PFKFB3: variants seen among roughly 807,000 people sequenced by gnomAD.
PFKFB3 encodes 6-phosphofructo-2-kinase/fructose-2,6-bisphosphatase 3.
In PFKFB3, 33 loss-of-function variants were observed where a neutral mutation model predicts 68.0. That is an observed-to-expected ratio of 0.49 (90% CI 0.37 to 0.65). The LOEUF (loss-of-function observed/expected upper bound fraction) is 0.65, where lower values mean the gene tolerates loss of function less well. PFKFB3 is among the 30% of genes least tolerant of loss of function. PFKFB3 has a pLI of 0.00. For synonymous variants in PFKFB3, 315 were observed against 288.2 expected, an observed-to-expected ratio of 1.09 and a Z score of -0.94; for missense variants, 586 against 712.2, an observed-to-expected ratio of 0.82 and a Z score of 2.02.
chr10:6,242,250 AT>A (rs1846157353), intron 14 of PFKFB3, among the ~76,000 whole-genome samples: 1 of 152,138 alleles, frequency 6.6e-6, no homozygotes, highest in Non-Finnish European at 1.5e-5. Context: ...TCAGTCATTT[AT>A]TTATACTACT....
intron 1 of PFKFB3, among the ~76,000 whole-genome samples, chr10:6,171,476 G>A (rs1842311438): frequency 6.6e-6 from 1 of 151,156 alleles, no homozygotes; most frequent in African/African-American, 2.4e-5. Flanking sequence ...GCTCACTGCA[G>A]TCTCAACCTC....
chr10:6,224,032 C>T lies in PFKFB3; in HGVS notation c.1276+12C>T. 1 of 1,614,090 alleles carries T rather than the reference C, an allele frequency of 6.2e-7. No homozygotes were observed. The highest frequency in any genetic ancestry group is 1.1e-5 in the South Asian group (1 of 91,084). ...GCCTGTCGCTTATGGTGAGTAGCAA[C>T]CCCTGCCAAGCCCTGTCCCCCTGAA... On this transcript the variant is annotated intron_variant, in intron 12 of 14. Transcript: ENST00000379775.
rs567269678 is a variant in PFKFB3 at position 6,210,509 on chromosome 10, C to G, written c.77-3114C>G. ...CCGAGTAGCTGGGACTACAGGCGCC[C>G]GCCAACATGGCCGGCTAATTTTTTG... On this transcript the variant is annotated intron_variant, in intron 1 of 14. Transcript: ENST00000379775. Among the ~76,000 whole-genome samples the G allele has an allele frequency of 6.5e-4, 75 of 115,004 alleles. 22 individuals are homozygous for G. In the South Asian group the frequency reaches 0.023, roughly 35 times the overall value. 75.4% of individuals were successfully genotyped at this position (115,004 alleles called of 152,430 possible). A position where few individuals can be genotyped will look rare whatever the true frequency, so the allele number is the denominator to read the frequency against.
chr10:6,216,005 C>T, intron 3 of PFKFB3, 120 bp from the exon 4 acceptor site: 1 of 971,322 alleles, frequency 1.0e-6, no homozygotes, highest in South Asian at 1.3e-5. Flanking sequence ...CTGCCCAGCG[C>T]TAAGCAGTGT....
At chr10:6,177,439 TC>T (rs1248300138) in intron 1 of PFKFB3, among the ~76,000 whole-genome samples, 3 of 5,604 alleles carry the variant, frequency 5.4e-4, no homozygotes, top group East Asian at 4.6e-3. Flanking sequence ...CTTTTCTTTC[TC>T]TTTCTTTCTT....
At chr10:6,164,255 G>C (rs1279908075) in intron 1 of PFKFB3, among the ~76,000 whole-genome samples, 2 of 152,188 alleles carry the variant, frequency 1.3e-5, no homozygotes, top group Non-Finnish European at 2.9e-5. Context: ...ACCGCTCCTA[G>C]CCCCCAGTGT....
chr10:6,278,202 C>T, the PFKFB3 span, among the ~76,000 whole-genome samples: 24 of 152,044 alleles, frequency 1.6e-4, no homozygotes, highest in East Asian at 1.2e-3. Flanking sequence ...AGGCGTGAGC[C>T]GCAGTGCCCG....
At chr10:6,222,243 C>T (rs528186260) in intron 10 of PFKFB3, among the ~76,000 whole-genome samples, 7 of 152,312 alleles carry the variant, frequency 4.6e-5, no homozygotes, top group Non-Finnish European at 7.4e-5. Flanking sequence ...CCTTACACAC[C>T]GGGGCCCTGG....
intron 1 of PFKFB3, among the ~76,000 whole-genome samples, chr10:6,179,735 G>C (rs1173445296): frequency 3.3e-5 from 5 of 152,296 alleles, no homozygotes; most frequent in East Asian, 3.9e-4. Context: ...ATGGGAAGGG[G>C]ACCCTGTTTT....
At chr10:6,217,779 A>AAT (rs1176164530) in intron 6 of PFKFB3, among the ~76,000 whole-genome samples, 1 of 152,188 alleles carries the variant, frequency 6.6e-6, no homozygotes, top group Non-Finnish European at 1.5e-5. Context: ...ACTTGATAGC[A>AAT]ATATATATAA....
the PFKFB3 span, among the ~76,000 whole-genome samples, chr10:6,273,416 C>T: frequency 6.6e-6 from 1 of 152,116 alleles, no homozygotes. Context: ...ATCCCCGCCG[C>T]CATGCAACCT....
chr10:6,220,407 C>CT lies in PFKFB3; in HGVS notation c.624-244dup, dbSNP rs1564633047. On this transcript the variant is annotated intron_variant, in intron 7 of 14. Transcript: ENST00000379775. This position sits in a 1 kb window ranked among gnomAD's most constrained non-coding sequence, Gnocchi z 4.1. ...CATGAGCCACTGCACAGGCCCCTTT[C>CT]TTTTTTTCTCCATTTTCTTTCTTTT... 1.3e-5 allele frequency among the ~76,000 whole-genome samples: 2 copies of CT among 152,268 alleles called. No individual in the cohort carries two copies. The highest frequency in any genetic ancestry group is 3.9e-4 in the East Asian group (2 of 5,184).
the PFKFB3 span, among the ~76,000 whole-genome samples, chr10:6,320,117 C>T: frequency 4.6e-5 from 7 of 152,250 alleles, no homozygotes; most frequent in Admixed American, 4.6e-4. Flanking sequence ...GGGAGGATTG[C>T]TTGAGCCCAA....
At chr10:6,280,175 G>C in the PFKFB3 span, among the ~76,000 whole-genome samples, 2 of 152,186 alleles carry the variant, frequency 1.3e-5, no homozygotes, top group Non-Finnish European at 2.9e-5. Flanking sequence ...CTTCCTCCAG[G>C]ATAACTGCCT....
intron 1 of PFKFB3, among the ~76,000 whole-genome samples, chr10:6,147,322 C>T (rs908791233): frequency 1.3e-5 from 2 of 152,308 alleles, no homozygotes; most frequent in South Asian, 2.1e-4. Context: ...AAGACTTTGC[C>T]GCCCTGCTCC....
chr10:6,233,753 C>G lies in PFKFB3; in HGVS notation c.*811C>G, dbSNP rs752504378. On this transcript the variant is annotated 3_prime_UTR_variant, in exon 15 of 15. Transcript: ENST00000379775. ...TTTCCTGGAGCTGCTGGCTTTTGCA[C>G]TTTTTTGATGGCAGAAGTGTGACCT... is the stretch of plus-strand genomic sequence containing the variant. 4 of 152,904 alleles carry G rather than the reference C, an allele frequency of 2.6e-5. No individual in the cohort carries two copies. Among genetic ancestry groups the G allele is most frequent in the Non-Finnish European group, 5.9e-5 (4 of 68,102 alleles). 9.5% of individuals were successfully genotyped at this position (152,904 alleles called of 1,614,324 possible).
At chr10:6,145,284 G>A (rs1355868000) in intron 1 of PFKFB3, among the ~76,000 whole-genome samples, 1 of 150,992 alleles carries the variant, frequency 6.6e-6, no homozygotes, top group Non-Finnish European at 1.5e-5. Context: ...CCGGCCTCGC[G>A]TCTCCTTTCC....
chr10:6,272,049 C>T, the PFKFB3 span, among the ~76,000 whole-genome samples: 12 of 152,278 alleles, frequency 7.9e-5, no homozygotes, highest in African/African-American at 2.2e-4. Context: ...GCCCCTGCCC[C>T]GATGGTGGCT....
At chr10:6,239,257 A>G (rs11599520), downstream of PFKFB3, among the ~76,000 whole-genome samples, 3,679 of 152,294 alleles carry the variant, frequency 0.024, 70 homozygotes, top group Non-Finnish European at 0.04. Flanking sequence ...AATGCAAGGT[A>G]GATGCTATTA....
Sources: allele counts gnomAD v4.1 joint callset (sites outside exome capture counted in the v4.1 genomes callset), GRCh38; gene constraint gnomAD v4.1.1; non-coding constraint Gnocchi (gnomAD v3.1); transcripts MANE v1.5; gene names NCBI Gene and HGNC (gene_info 2026-07-23, HGNC 2026-07-21).